Variants in SAMD12 observed in about 807,000 individuals in gnomAD.
The protein encoded by SAMD12 is sterile alpha motif domain-containing protein 12.
In SAMD12, 9 loss-of-function variants were observed where a neutral mutation model predicts 15.0. That is an observed-to-expected ratio of 0.60 (90% CI 0.36 to 1.05). The LOEUF is 1.05. Among genes scored for constraint, SAMD12 ranks in the 50% least tolerant of loss-of-function variants. The pLI is 0.01. For missense variants in SAMD12, 230 were observed against 234.2 expected (o/e 0.98, Z 0.12); for synonymous variants, 86 against 90.1 (o/e 0.96, Z 0.25).
intron 3 of SAMD12, among the ~76,000 whole-genome samples, chr8:118,422,731 C>A (rs749699280): frequency 2.0e-5 from 3 of 152,130 alleles, no homozygotes; most frequent in Non-Finnish European, 4.4e-5. Flanking sequence ...AGAAGAGAGA[C>A]TAAATGGTTC....
intron 2 of SAMD12, among the ~76,000 whole-genome samples, chr8:118,474,318 A>G (rs894476134): frequency 6.6e-6 from 1 of 152,104 alleles, no homozygotes; most frequent in Non-Finnish European, 1.5e-5. Flanking sequence ...TATTGTTGTA[A>G]GCATAACCAT....
At chr8:118,396,016 C>T (rs1357266878) in intron 3 of SAMD12, among the ~76,000 whole-genome samples, 1 of 151,812 alleles carries the variant, frequency 6.6e-6, no homozygotes, top group South Asian at 2.1e-4. Context: ...ATAATTTTCT[C>T]TTCTGATTTA....
intron 3 of SAMD12, among the ~76,000 whole-genome samples, chr8:118,436,102 G>A (rs1822568512): frequency 6.6e-6 from 1 of 151,884 alleles, no homozygotes; most frequent in South Asian, 2.1e-4. Context: ...CCAAAATGTT[G>A]TGCTATAGAT....
At chr8:118,588,733 T>C (rs774511629) in intron 1 of SAMD12, among the ~76,000 whole-genome samples, 16 of 152,306 alleles carry the variant, frequency 1.1e-4, no homozygotes, top group Admixed American at 5.9e-4. Flanking sequence ...CACTGGGACC[T>C]GATAACCCCA....
At chr8:118,242,022 C>A (rs1217151926) in intron 4 of SAMD12, among the ~76,000 whole-genome samples, 1 of 152,128 alleles carries the variant, frequency 6.6e-6, no homozygotes. Flanking sequence ...AGGTTATCCT[C>A]CCACCTCAGC....
rs1439316892 is a variant in SAMD12, at chr8:118,272,983, C to T, written c.434-75251G>A. 2.0e-5 allele frequency among the ~76,000 whole-genome samples: 3 copies of T among 152,164 alleles called. No homozygotes were observed. The East Asian group carries it at 5.8e-4, about 29-fold the overall frequency. On this transcript the variant is annotated intron_variant, in intron 4 of 4. Coordinates refer to the SAMD12 transcript ENST00000409003. ...AAATTGATCCAACCTCTGCCTGTTA[C>T]CCAGTTCCAAAGTCACTTCCACATT...
At chr8:118,244,687 C>T (rs1440412304) in intron 4 of SAMD12, among the ~76,000 whole-genome samples, 2 of 152,016 alleles carry the variant, frequency 1.3e-5, no homozygotes, top group African/African-American at 4.8e-5. Context: ...ATGAGCTCTA[C>T]AGGGTAGAAT....
chr8:118,165,481 C>T, the SAMD12 span, among the ~76,000 whole-genome samples: 3 of 151,352 alleles, frequency 2.0e-5, no homozygotes, highest in East Asian at 2.0e-4. Context: ...GTCTCAAACT[C>T]CTGGCCTCAA....
At chr8:118,155,947 A>G in the SAMD12 span, among the ~76,000 whole-genome samples, 3 of 152,232 alleles carry the variant, frequency 2.0e-5, no homozygotes, top group Admixed American at 1.3e-4. Flanking sequence ...AAGTAAATCC[A>G]AGCATTTCTA....
chr8:118,244,008 T>C (rs972230739), intron 4 of SAMD12, among the ~76,000 whole-genome samples: 2 of 152,116 alleles, frequency 1.3e-5, no homozygotes, highest in African/African-American at 4.8e-5. Context: ...CCGAGTTTTA[T>C]ATCTCAGAGT....
At chr8:118,317,724 C>T (rs748573023) in intron 4 of SAMD12, among the ~76,000 whole-genome samples, 8 of 152,050 alleles carry the variant, frequency 5.3e-5, no homozygotes, top group Admixed American at 2.6e-4. Flanking sequence ...GTTTGGTGAA[C>T]TGTACAATTA....
intron 4 of SAMD12, among the ~76,000 whole-genome samples, chr8:118,242,270 GAAGA>G (rs939915726): frequency 6.4e-4 from 97 of 152,256 alleles, no homozygotes; most frequent in African/African-American, 2.3e-3. Flanking sequence ...CAAAGGAACT[GAAGA>G]AAGAAAGTTA....
At chr8:118,263,124 T>C (rs1160221263) in intron 4 of SAMD12, among the ~76,000 whole-genome samples, 1 of 152,078 alleles carries the variant, frequency 6.6e-6, no homozygotes, top group East Asian at 1.9e-4. Flanking sequence ...CTATATTTTT[T>C]GATATTTTAA....
chr8:118,247,110 C>T (rs1337325271), intron 4 of SAMD12, among the ~76,000 whole-genome samples: 3 of 152,108 alleles, frequency 2.0e-5, no homozygotes, highest in South Asian at 2.1e-4. Context: ...CTTGCAACAA[C>T]GTGGATGGAC....
chr8:118,453,898 T>A (rs535567611), intron 2 of SAMD12, among the ~76,000 whole-genome samples: 12 of 152,252 alleles, frequency 7.9e-5, no homozygotes, highest in African/African-American at 2.6e-4. Flanking sequence ...AATCATATTA[T>A]CTATTTACCA....
the SAMD12 span, among the ~76,000 whole-genome samples, chr8:118,160,276 T>C: frequency 6.6e-6 from 1 of 152,240 alleles, no homozygotes. Flanking sequence ...ACTATGTCCA[T>C]GGATCTGAAG....
At chr8:118,447,766 C>T (rs60972625) in intron 2 of SAMD12, among the ~76,000 whole-genome samples, 1 of 148,688 alleles carries the variant, frequency 6.7e-6, no homozygotes, top group South Asian at 2.1e-4. Context: ...CACTATGTTG[C>T]CCAAGCTGGA....
chr8:118,395,814 C>T (rs1342235946), intron 3 of SAMD12, among the ~76,000 whole-genome samples: 13 of 151,604 alleles, frequency 8.6e-5, no homozygotes, highest in Admixed American at 7.9e-4. Context: ...AAAAATTAGC[C>T]GGGCGTGGTG....
chr8:118,321,143 A>G (rs1490919220), intron 4 of SAMD12, among the ~76,000 whole-genome samples: 1 of 78,028 alleles, frequency 1.3e-5, no homozygotes, highest in East Asian at 5.6e-4. Flanking sequence ...CATAGATAAT[A>G]AATATATATA....
Sources: gnomAD v4.1 joint callset for allele counts (sites outside exome capture counted in the v4.1 genomes callset) on GRCh38, gnomAD v4.1.1 for gene constraint, MANE v1.5 for transcripts, NCBI Gene and HGNC (gene_info 2026-07-23, HGNC 2026-07-21) for gene names.